Variants in RABGAP1L observed in about 807,000 individuals in gnomAD.
RABGAP1L encodes the protein RAB GTPase activating protein 1 like.
RABGAP1L carries 63 observed loss-of-function variants against 137.7 expected under a neutral mutation model. The observed-to-expected ratio is 0.46, with a 90% CI of 0.37 to 0.56. The LOEUF (loss-of-function observed/expected upper bound fraction) is 0.56. Among genes scored for constraint, RABGAP1L ranks in the 20% least tolerant of loss-of-function variants. The pLI, the probability that RABGAP1L is intolerant of heterozygous loss-of-function variation, is 0.00. For synonymous variants in RABGAP1L, 431 were observed against 433.7 expected, an observed-to-expected ratio of 0.99 and a Z score of 0.08; for missense variants, 1,095 against 1,244.0, an observed-to-expected ratio of 0.88 and a Z score of 1.80.
intron 12 of RABGAP1L, among the ~76,000 whole-genome samples, chr1:174,388,956 A>G (rs566527135): frequency 3.7e-4 from 57 of 152,142 alleles, no homozygotes; most frequent in African/African-American, 1.3e-3. Flanking sequence ...GTGACTTTTC[A>G]GTGGTCACAT....
Position 174,371,084 on chromosome 1 carries a change from T to C in RABGAP1L, c.1559+12T>C, listed in dbSNP as rs749127971. 3 of 1,392,136 alleles carry C rather than the reference T, an allele frequency of 2.2e-6. No individual in the cohort carries two copies. Among genetic ancestry groups the C allele is most frequent in the Non-Finnish European group, 3.0e-6 (3 of 1,012,694 alleles). 86.2% of individuals were successfully genotyped at this position (1,392,136 alleles called of 1,614,324 possible). A position where few individuals can be genotyped will look rare whatever the true frequency, so the allele number is the denominator to read the frequency against. On this transcript the variant is annotated intron_variant, in intron 12 of 25. Coordinates refer to ENST00000681986, the MANE Select transcript of RABGAP1L (RefSeq NM_001366446.1). ...TTGCTAGGAAAATGGTAAAATTTTA[T>C]TTTTCATACTGAAAATTCTATATTT... is the stretch of plus-strand genomic sequence containing the variant.
chr1:174,979,576 G>T (rs1670924551), intron 23 of RABGAP1L, among the ~76,000 whole-genome samples: 1 of 152,226 alleles, frequency 6.6e-6, no homozygotes, highest in African/African-American at 2.4e-5. Context: ...GTAGCTAGGG[G>T]ATCAGTGTGC....
chr1:174,684,180 C>A (rs571850928), intron 15 of RABGAP1L, among the ~76,000 whole-genome samples: 1 of 152,138 alleles, frequency 6.6e-6, no homozygotes, highest in African/African-American at 2.4e-5. Flanking sequence ...ATAATACATA[C>A]TCATTAAATA....
At chr1:174,862,732 A>G (rs968188837) in intron 19 of RABGAP1L, among the ~76,000 whole-genome samples, 1 of 152,070 alleles carries the variant, frequency 6.6e-6, no homozygotes, top group African/African-American at 2.4e-5. Flanking sequence ...ACGGAAGAGG[A>G]CGTTGCTTAG....
intron 11 of RABGAP1L, among the ~76,000 whole-genome samples, chr1:174,340,066 T>C (rs962384489): frequency 6.6e-6 from 1 of 152,220 alleles, no homozygotes; most frequent in Non-Finnish European, 1.5e-5. Flanking sequence ...TTTTTCTTGG[T>C]GACCTCTTTT....
intron 4 of RABGAP1L, among the ~76,000 whole-genome samples, chr1:174,234,553 G>T (rs1236449167): frequency 7.2e-6 from 1 of 138,412 alleles, no homozygotes; most frequent in African/African-American, 3.5e-5. Flanking sequence ...TTTTTCTCAG[G>T]TTTGTCAAAG....
At chr1:174,653,700 G>A (rs1675745633) in intron 14 of RABGAP1L, among the ~76,000 whole-genome samples, 1 of 152,206 alleles carries the variant, frequency 6.6e-6, no homozygotes, top group Admixed American at 6.5e-5. Flanking sequence ...GACTGGAGCT[G>A]TTTCTATTTG....
intron 13 of RABGAP1L, among the ~76,000 whole-genome samples, chr1:174,463,186 C>T (rs2149286540): frequency 6.6e-6 from 1 of 152,260 alleles, no homozygotes; most frequent in Non-Finnish European, 1.5e-5. Context: ...GACTATAAAT[C>T]ATGCTGCTAT....
chr1:174,682,038 T>G (rs1320931425), intron 14 of RABGAP1L, among the ~76,000 whole-genome samples: 2 of 152,140 alleles, frequency 1.3e-5, no homozygotes, highest in Non-Finnish European at 2.9e-5. Flanking sequence ...CCTAGCACTT[T>G]GGGAGGCTGA....
At chr1:174,364,063 G>A (rs964252338) in intron 11 of RABGAP1L, among the ~76,000 whole-genome samples, 4 of 151,592 alleles carry the variant, frequency 2.6e-5, no homozygotes, top group Non-Finnish European at 4.4e-5. Context: ...GAGTAAGTCT[G>A]GAAGTATTCC....
At chr1:174,658,219 G>A (rs1266082773) in intron 14 of RABGAP1L, among the ~76,000 whole-genome samples, 1 of 152,164 alleles carries the variant, frequency 6.6e-6, no homozygotes, top group Admixed American at 6.5e-5. Context: ...AATTTCTAGA[G>A]TTCTGAAAAA....
chr1:174,787,791 G>A (rs758957531), intron 18 of RABGAP1L, among the ~76,000 whole-genome samples: 3 of 152,190 alleles, frequency 2.0e-5, no homozygotes, highest in Non-Finnish European at 4.4e-5. Context: ...GATACTATTA[G>A]AATAGTCTGG....
chr1:174,744,484 C>A (rs935914197), intron 17 of RABGAP1L, among the ~76,000 whole-genome samples: 2 of 152,118 alleles, frequency 1.3e-5, no homozygotes, highest in African/African-American at 4.8e-5. Context: ...TAATATATAA[C>A]AAGCTATACG....
At chr1:174,982,928 G>A (rs1671259096) in intron 24 of RABGAP1L, 23 bp downstream of exon 24, 2 of 1,549,516 alleles carry the variant, frequency 1.3e-6, no homozygotes, top group Non-Finnish European at 1.7e-6. Flanking sequence ...ATCGTGCTGT[G>A]ATAAAATTTA....
intron 13 of RABGAP1L, among the ~76,000 whole-genome samples, chr1:174,567,390 T>C (rs1667657323): frequency 6.6e-6 from 1 of 152,220 alleles, no homozygotes; most frequent in Non-Finnish European, 1.5e-5. Context: ...CTGTTATATG[T>C]GTAGGTCACA....
intron 13 of RABGAP1L, among the ~76,000 whole-genome samples, chr1:174,613,734 G>T (rs191648962): frequency 6.6e-6 from 1 of 152,226 alleles, no homozygotes; most frequent in East Asian, 1.9e-4. Flanking sequence ...TATGAATCTG[G>T]GTGCTCCTGT....
intron 17 of RABGAP1L, among the ~76,000 whole-genome samples, chr1:174,713,156 G>A (rs1373954000): frequency 2.0e-5 from 3 of 152,160 alleles, no homozygotes; most frequent in Non-Finnish European, 4.4e-5. Flanking sequence ...CTCACTTCTA[G>A]AAGTAAAACA....
intron 1 of RABGAP1L, among the ~76,000 whole-genome samples, chr1:174,214,359 T>C (rs970230515): frequency 3.9e-5 from 6 of 152,124 alleles, no homozygotes; most frequent in Non-Finnish European, 5.9e-5. Context: ...TGGAAAGATA[T>C]TCCATGTTCA....
Position 174,448,178 on chromosome 1 carries a change from G to A in RABGAP1L, c.1710+54033G>A, listed in dbSNP as rs1290978178. The A allele has an allele frequency of 6.2e-6, 10 of 1,613,354 alleles. No homozygotes were observed. Among genetic ancestry groups the A allele is most frequent in the African/African-American group, 2.7e-5 (2 of 74,882 alleles). ...GAGCAGTGGCATTGTGAATGTGTCC[G>A]AGCGTCACTCCTGCCCACTTGGATT... On this transcript the variant is annotated intron_variant, in intron 13 of 25. Transcript: ENST00000681986. This position sits in a 1 kb window ranked among gnomAD's most constrained non-coding sequence, Gnocchi z 4.2.
Sources: gnomAD v4.1 joint callset for allele counts (sites outside exome capture counted in the v4.1 genomes callset) on GRCh38, gnomAD v4.1.1 for gene constraint, Gnocchi (gnomAD v3.1) non-coding constraint, MANE v1.5 for transcripts, NCBI Gene and HGNC (gene_info 2026-07-23, HGNC 2026-07-21) for gene names.